Variants in ATXN1 observed in about 807,000 individuals in gnomAD.
ATXN1 encodes ataxin-1.
In ATXN1, 8 loss-of-function variants were observed where a neutral mutation model predicts 56.4. That is an observed-to-expected ratio of 0.14 (90% CI 0.08 to 0.26). The LOEUF (loss-of-function observed/expected upper bound fraction) is 0.26, where lower values mean the gene tolerates loss of function less well. Ranked by LOEUF, ATXN1 falls within the 10% of genes least tolerant of loss-of-function variation. ATXN1 has a pLI of 1.00. For missense variants in ATXN1, 987 were observed against 1,106.5 expected, an observed-to-expected ratio of 0.89 and a Z score of 1.53; for synonymous variants, 514 against 494.6, an observed-to-expected ratio of 1.04 and a Z score of -0.52.
chr6:16,692,864 C>T (rs1334633646), intron 2 of ATXN1, among the ~76,000 whole-genome samples: 4 of 152,152 alleles, frequency 2.6e-5, no homozygotes, highest in African/African-American at 9.7e-5. Flanking sequence ...TTAGTCAGAA[C>T]GAGCCCAGAC....
chr6:16,608,328 A>G (rs545561104), intron 3 of ATXN1, among the ~76,000 whole-genome samples: 2 of 152,356 alleles, frequency 1.3e-5, no homozygotes, highest in Non-Finnish European at 2.9e-5. Flanking sequence ...ATAAAATAGA[A>G]GTCAATAAAT....
intron 3 of ATXN1, among the ~76,000 whole-genome samples, chr6:16,593,287 C>G (rs1422341990): frequency 6.6e-6 from 1 of 152,206 alleles, no homozygotes; most frequent in African/African-American, 2.4e-5. Flanking sequence ...CTGTCAGAAG[C>G]AGACCTTCTA....
intron 3 of ATXN1, among the ~76,000 whole-genome samples, chr6:16,600,509 T>A (rs1289869519): frequency 1.3e-5 from 2 of 152,212 alleles, no homozygotes; most frequent in African/African-American, 2.4e-5. Context: ...CTAAAAGGAA[T>A]GCTTTGAACA....
chr6:16,367,031 C>T (rs1419562803), intron 6 of ATXN1, among the ~76,000 whole-genome samples: 1 of 152,214 alleles, frequency 6.6e-6, no homozygotes, highest in African/African-American at 2.4e-5. Context: ...GACTTTGTCT[C>T]TCAATTACCC....
At chr6:16,347,340 G>A (rs1251336176) in intron 6 of ATXN1, among the ~76,000 whole-genome samples, 7 of 152,242 alleles carry the variant, frequency 4.6e-5, no homozygotes, top group African/African-American at 1.2e-4. Context: ...TCTAGCTAAG[G>A]GATTTTAAAT....
intron 3 of ATXN1, among the ~76,000 whole-genome samples, chr6:16,607,734 A>G (rs1333011537): frequency 3.3e-5 from 5 of 152,230 alleles, no homozygotes; most frequent in Non-Finnish European, 7.3e-5. Flanking sequence ...CCAAATTCCT[A>G]AAGATGGCTC....
chr6:16,663,752 A>G (rs1415682472), intron 2 of ATXN1, among the ~76,000 whole-genome samples: 1 of 151,598 alleles, frequency 6.6e-6, no homozygotes, highest in African/African-American at 2.4e-5. Context: ...GCAACCTCGA[A>G]CTCCTCAACT....
At chr6:16,616,935 T>G (rs934349693) in intron 3 of ATXN1, among the ~76,000 whole-genome samples, 1 of 151,664 alleles carries the variant, frequency 6.6e-6, no homozygotes, top group Admixed American at 6.6e-5. Flanking sequence ...TAACTTTTAT[T>G]ATAGTATATT....
intron 2 of ATXN1, among the ~76,000 whole-genome samples, chr6:16,724,590 C>A (rs891840556): frequency 6.6e-6 from 1 of 152,154 alleles, no homozygotes; most frequent in Non-Finnish European, 1.5e-5. Flanking sequence ...AAACTTTCTA[C>A]GGGACAACCA....
intron 6 of ATXN1, among the ~76,000 whole-genome samples, chr6:16,401,599 G>T (rs935619456): frequency 5.9e-5 from 9 of 151,494 alleles, no homozygotes; most frequent in African/African-American, 2.2e-4. Context: ...AAACAACTTT[G>T]GCAGATTTTG....
chr6:16,611,920 C>T (rs911739048), intron 3 of ATXN1, among the ~76,000 whole-genome samples: 1 of 119,272 alleles, frequency 8.4e-6, no homozygotes, highest in Non-Finnish European at 1.6e-5. Flanking sequence ...AGTGCAGTGG[C>T]TCCATCTCGG....
intron 3 of ATXN1, among the ~76,000 whole-genome samples, chr6:16,636,351 T>C (rs1424733760): frequency 2.3e-5 from 2 of 86,068 alleles, no homozygotes; most frequent in East Asian, 2.9e-4. Flanking sequence ...AGCAATTTAG[T>C]TTCCAACTGG....
chr6:16,318,402 T>A (rs179997), intron 7 of ATXN1, among the ~76,000 whole-genome samples: 42,858 of 152,082 alleles, frequency 0.28, 7,439 homozygotes, highest in Non-Finnish European at 0.39. Flanking sequence ...GCAAGTGAAA[T>A]TCTCAGTCTT....
At chr6:16,605,814 C>T (rs1762994146) in intron 3 of ATXN1, among the ~76,000 whole-genome samples, 1 of 152,152 alleles carries the variant, frequency 6.6e-6, no homozygotes, top group Admixed American at 6.5e-5. Context: ...TCTATATTCC[C>T]TTAACCGTAA....
At chr6:16,453,351 C>T (rs1234999207) in intron 6 of ATXN1, among the ~76,000 whole-genome samples, 1 of 152,126 alleles carries the variant, frequency 6.6e-6, no homozygotes, top group African/African-American at 2.4e-5. Context: ...GTCCCAGCTA[C>T]TCAGGAGGCT....
At chr6:16,329,474 C>G (rs1001242811) in intron 6 of ATXN1, among the ~76,000 whole-genome samples, 62 of 152,130 alleles carry the variant, frequency 4.1e-4, no homozygotes, top group Admixed American at 4.1e-3. Context: ...CTGCAAGTTT[C>G]AAAAGAATTC....
intron 5 of ATXN1, among the ~76,000 whole-genome samples, chr6:16,487,817 G>A (rs1432371549): frequency 6.6e-6 from 1 of 152,196 alleles, no homozygotes; most frequent in Non-Finnish European, 1.5e-5. Flanking sequence ...CTTAGAAGGA[G>A]GGTCTCAGGA....
chr6:16,720,081 C>T (rs1759716369), intron 2 of ATXN1, among the ~76,000 whole-genome samples: 1 of 152,146 alleles, frequency 6.6e-6, no homozygotes, highest in Admixed American at 6.5e-5. Flanking sequence ...TTCAAAGGCT[C>T]CTTCTGGCCT....
intron 6 of ATXN1, among the ~76,000 whole-genome samples, chr6:16,380,188 G>C (rs2113504297): frequency 6.6e-6 from 1 of 152,274 alleles, no homozygotes; most frequent in African/African-American, 2.4e-5. Flanking sequence ...CCTCTGCTTA[G>C]AACAGAAGCC....
Sources: gnomAD v4.1 joint callset for allele counts (sites outside exome capture counted in the v4.1 genomes callset) on GRCh38, gnomAD v4.1.1 for gene constraint, MANE v1.5 for transcripts, NCBI Gene and HGNC (gene_info 2026-07-23, HGNC 2026-07-21) for gene names.